Variants in NMI observed in about 807,000 individuals in gnomAD.
NMI encodes the protein N-myc-interactor.
In NMI, 39 loss-of-function variants were observed where a neutral mutation model predicts 34.3. That is an observed-to-expected ratio of 1.14 (90% CI 0.88 to 1.49). The LOEUF (loss-of-function observed/expected upper bound fraction) is 1.49. Ranked by LOEUF, NMI falls within the 40% of genes most tolerant of loss-of-function variation. NMI has a pLI of 0.00. For synonymous variants in NMI, 113 were observed against 120.3 expected (o/e 0.94, Z 0.40); for missense variants, 339 against 358.1 (o/e 0.95, Z 0.43).
intron 1 of NMI, among the ~76,000 whole-genome samples, chr2:151,286,776 C>G (rs1683506203): frequency 6.6e-6 from 1 of 152,288 alleles, no homozygotes. Context: ...CCCTTGAATT[C>G]CTTTAAAAAT....
intron 2 of NMI, 83 bp downstream of exon 2, chr2:151,282,785 A>G: frequency 1.4e-6 from 1 of 697,984 alleles, no homozygotes; most frequent in Non-Finnish European, 2.3e-6. Context: ...GTAATGTTGG[A>G]CAAAGACATA....
chr2:151,282,305 T>C (rs1460272897), intron 2 of NMI, among the ~76,000 whole-genome samples: 1 of 152,228 alleles, frequency 6.6e-6, no homozygotes, highest in Non-Finnish European at 1.5e-5. Flanking sequence ...CAGAAAGTTG[T>C]ATAGTAAGGC....
chr2:151,278,921 A>T lies in NMI; in HGVS notation c.247T>A (p.Leu83Met). The change falls in exon 4 of 8, where the codon TTG becomes ATG. Residue 83 changes from leucine (L) to methionine (M), a missense_variant. Coordinates refer to ENST00000243346, the MANE Select transcript of NMI (RefSeq NM_004688.3). ...SVETPENDSQ[L>M]SNISCSFQVS... ...TGAAACGAACAGGAGATATTTGACA[A>T]CTGGCTGTCATTCTCAGGAGTTTCA... The T allele has an allele frequency of 1.2e-6, 2 of 1,611,792 alleles. No homozygotes were observed. The highest frequency in any genetic ancestry group is 1.7e-6 in the Non-Finnish European group (2 of 1,178,044).
Position 151,271,665 on chromosome 2 carries a change from A to C in NMI, c.702T>G (p.Thr234=), listed in dbSNP as rs1683189700. The C allele has an allele frequency of 6.3e-7, 1 of 1,583,688 alleles. No homozygotes were observed. The change falls in exon 7 of 8, where the codon ACT becomes ACG. Residue 234 remains threonine (T), a synonymous_variant. Transcript: ENST00000243346. ...AGTGTATTTCTGTGTATGGAGAAAC[A>C]GTAACTCTATGGCAGGTTTGATTTA... ...LYINQTCHRV[T]VSPYTEIHLK... is the part of the protein sequence containing the mutation.
At position 151,288,584 on chromosome 2, in the gene NMI, TGTGC is replaced by T. The variant is rs1223327695; in HGVS notation, c.-7+1005_-7+1008del. On this transcript the variant is annotated intron_variant, in intron 1 of 7. Coordinates refer to ENST00000243346, the MANE Select transcript of NMI (RefSeq NM_004688.3). ...ATGTGAGTGTGTGTGTGTGTGTGTGTGTGCGCGCGCGCGCGCGTTCCTATGTGTT... is the reference window on the plus strand; with the variant it reads ...ATGTGAGTGTGTGTGTGTGTGTGTGTGCGCGCGCGCGCGTTCCTATGTGTT... Among the ~76,000 whole-genome samples the T allele has an allele frequency of 5.6e-4, 84 of 149,258 alleles. No homozygotes were observed. The East Asian group carries it at 5.8e-3, about 10-fold the overall frequency.
rs1683164474 is a variant in NMI, at chr2:151,270,568, T to C, written c.*125A>G. ...TTCAGAAACATGGAAATAAGTTTTG[T>C]ATCTAAACATAAATGGATGGTAAAA... On this transcript the variant is annotated 3_prime_UTR_variant, in exon 8 of 8. Transcript: ENST00000243346. 1 of 715,726 alleles carries C rather than the reference T, an allele frequency of 1.4e-6. No homozygotes were observed. Among genetic ancestry groups the C allele is most frequent in the Non-Finnish European group, 2.3e-6 (1 of 442,378 alleles). 44.3% of individuals were successfully genotyped at this position (715,726 alleles called of 1,614,324 possible).
At chr2:151,277,156 G>GA (rs71403151) in intron 4 of NMI, 90,994 of 152,084 alleles carry the variant, frequency 0.6, 27,500 homozygotes, top group Admixed American at 0.66. Flanking sequence ...TGGAGGAAGA[G>GA]AAAAAAGGGC....
rs1167962884 is a variant in NMI at position 151,289,652 on chromosome 2, A to G, written c.-66T>C. The G allele has an allele frequency of 6.6e-6, 1 of 152,202 alleles. No homozygotes were observed. The highest frequency in any genetic ancestry group is 2.4e-5 in the African/African-American group (1 of 41,448). 9.4% of individuals were successfully genotyped at this position (152,202 alleles called of 1,614,324 possible). On this transcript the variant is annotated 5_prime_UTR_variant, in exon 1 of 8. Coordinates refer to ENST00000243346, the MANE Select transcript of NMI (RefSeq NM_004688.3). ...CCAGCGCGCCTGCCCTTCCCGGAAA[A>G]CAGCAGCGCCTGAAACGCCGGAACC...
chr2:151,279,096 T>C, intron 3 of NMI, 106 bp from the exon 4 acceptor site: 3 of 695,278 alleles, frequency 4.3e-6, no homozygotes, highest in Non-Finnish European at 7.1e-6. Flanking sequence ...CCACTAATTT[T>C]AGAACCTTGT....
chr2:151,285,999 C>G (rs1315018574), intron 1 of NMI, among the ~76,000 whole-genome samples: 13 of 152,056 alleles, frequency 8.5e-5, no homozygotes, highest in African/African-American at 2.9e-4. Context: ...AAGTAAAAAA[C>G]TGAGTCCAGA....
intron 3 of NMI, among the ~76,000 whole-genome samples, chr2:151,279,451 A>G (rs1683348238): frequency 6.6e-6 from 1 of 152,096 alleles, no homozygotes; most frequent in African/African-American, 2.4e-5. Context: ...TCCAAAAAGA[A>G]AGACTCTAGA....
In NMI at chr2:151,275,814, C is replaced by T; in HGVS notation, c.391G>A (p.Val131Ile). 6.2e-7 allele frequency: 1 copy of T among 1,613,406 alleles called. No individual in the cohort carries two copies. The highest frequency in any genetic ancestry group is 8.5e-7 in the Non-Finnish European group (1 of 1,179,628). Residue 131 changes from valine (V) to isoleucine (I), a missense_variant, in exon 5 of 8, where the codon GTA becomes ATA. By Grantham distance (29) the Val-to-Ile change is conservative (BLOSUM62 3). Coordinates refer to ENST00000243346, the MANE Select transcript of NMI (RefSeq NM_004688.3). ...GGCTTGGCCGTAACCTCCAGATTTA[C>T]ATCTTTTATCTGTACATGATGTTTA... ...MSKHHVQIKD[V>I]NLEVTAKPVP...
chr2:151,275,436 A>G (rs888629237), intron 6 of NMI, 48 bp downstream of exon 6: 11 of 1,493,288 alleles, frequency 7.4e-6, no homozygotes, highest in East Asian at 4.5e-5. Flanking sequence ...ACAACAGAAC[A>G]TGACTGAAAT....
At chr2:151,276,327 G>A (rs1051230960) in intron 4 of NMI, among the ~76,000 whole-genome samples, 3 of 152,102 alleles carry the variant, frequency 2.0e-5, no homozygotes, top group Non-Finnish European at 4.4e-5. Context: ...CAAAGTTCTG[G>A]TATTATCAGG....
At chr2:151,279,514 G>A (rs1187339373) in intron 3 of NMI, among the ~76,000 whole-genome samples, 1 of 152,082 alleles carries the variant, frequency 6.6e-6, no homozygotes, top group African/African-American at 2.4e-5. Context: ...GTCTCACTCT[G>A]TTGCCAGGCT....
At chr2:151,278,511 C>T (rs560778319) in intron 4 of NMI, 28 of 291,124 alleles carry the variant, frequency 9.6e-5, no homozygotes, top group South Asian at 9.1e-4. Context: ...GAGAACTGTA[C>T]AGCTCTACTA....
rs1405697512 is a variant in NMI at position 151,278,853 on chromosome 2, T to C, written c.315A>G (p.Ala105=). The change falls in exon 4 of 8, where the codon GCA becomes GCG. Residue 105 remains alanine (A), a synonymous_variant. Coordinates refer to ENST00000243346, the MANE Select transcript of NMI (RefSeq NM_004688.3). The part of the protein sequence containing the change: ...KVPYEIQKGQ[A]LITFEKEEVA... ...CTTCTTCTTTTTCAAAGGTGATAAG[T>C]GCTTGTCCTTTTTGTATCTCATAAG... The C allele has an allele frequency of 2.5e-6, 4 of 1,613,514 alleles. No individual in the cohort carries two copies. The South Asian group carries it at 4.4e-5, about 18-fold the overall frequency.
At chr2:151,284,417 G>GC (rs985391237) in intron 1 of NMI, among the ~76,000 whole-genome samples, 11 of 151,918 alleles carry the variant, frequency 7.2e-5, no homozygotes, top group Non-Finnish European at 2.9e-5. Context: ...TCCCACCTCA[G>GC]CCCCCCAAGT....
At chr2:151,283,046 A>C in intron 1 of NMI, 92 bp from the exon 2 acceptor site, 1 of 559,512 alleles carries the variant, frequency 1.8e-6, no homozygotes, top group Non-Finnish European at 3.0e-6. Context: ...TTATGGAAGA[A>C]ACATCTCTTC....
Sources: allele counts gnomAD v4.1 joint callset (sites outside exome capture counted in the v4.1 genomes callset), GRCh38; gene constraint gnomAD v4.1.1; transcripts MANE v1.5; gene names NCBI Gene and HGNC (gene_info 2026-07-23, HGNC 2026-07-21).